TPT1: variants seen among roughly 807,000 people sequenced by gnomAD.
TPT1 encodes the protein tumor protein, translationally-controlled 1.
A neutral mutation model predicts 22.8 loss-of-function variants in TPT1; 5 were observed. The observed-to-expected ratio is 0.22, with a 90% CI of 0.11 to 0.46. The LOEUF is 0.46. TPT1 is among the 20% of genes least tolerant of loss of function. TPT1 has a pLI of 0.99. For synonymous variants in TPT1, 89 were observed against 73.6 expected, an observed-to-expected ratio of 1.21 and a Z score of -1.07; for missense variants, 130 against 218.7, an observed-to-expected ratio of 0.59 and a Z score of 2.56.
rs1168009718 is a variant in TPT1 at position 45,340,932 on chromosome 13, G to A, written c.28+110C>T. 9 of 1,534,194 alleles carry A rather than the reference G, an allele frequency of 5.9e-6. No individual in the cohort carries two copies. The Admixed American group carries it at 1.2e-4, about 20-fold the overall frequency. On this transcript the variant is annotated intron_variant, in intron 1 of 5. Coordinates refer to ENST00000530705, the MANE Select transcript of TPT1 (RefSeq NM_003295.4). Reference sequence around the variant, plus strand: ...CCCGGGCACCGACCCCTCCGCGCTCGGCTAAGACCGCCGGCGTCCCCTAGG... The same window carrying A: ...CCCGGGCACCGACCCCTCCGCGCTCAGCTAAGACCGCCGGCGTCCCCTAGG...
In TPT1 at chr13:45,337,596, A is replaced by T. The variant is rs993338951; in HGVS notation, c.517-208T>A. On this transcript the variant is annotated intron_variant, in intron 5 of 5. Coordinates refer to ENST00000530705, the MANE Select transcript of TPT1 (RefSeq NM_003295.4). ...AACAACAGTAAATTGTTCAAGGTCTATCAGTGGATGCAGAACACCCTTACC... is the reference window on the plus strand; with the variant it reads ...AACAACAGTAAATTGTTCAAGGTCTTTCAGTGGATGCAGAACACCCTTACC... 3 of 1,595,946 alleles carry T rather than the reference A, an allele frequency of 1.9e-6. No individual in the cohort carries two copies. The African/African-American group carries it at 4.0e-5, about 21-fold the overall frequency.
rs1878564427 is a variant in TPT1 at position 45,334,695 on chromosome 13, G to A, written c.*2691C>T. 1 of 152,070 alleles carries A rather than the reference G, an allele frequency of 6.6e-6. No individual in the cohort carries two copies. The highest frequency in any genetic ancestry group is 2.4e-5 in the African/African-American group (1 of 41,330). The allele number at this position is 152,070 out of a possible 1,614,324, so 9.4% of individuals were successfully genotyped here. On this transcript the variant is annotated 3_prime_UTR_variant, in exon 6 of 6. Transcript: ENST00000530705. ...AACACATTATACACAATTATTCTAT[G>A]CTTTTACCCTGCCACCTGGCAGCCA...
rs995142679 is a variant in TPT1, at chr13:45,337,065, T to G, written c.*321A>C. The G allele has an allele frequency of 5.2e-6, 2 of 383,680 alleles. No homozygotes were observed. The highest frequency in any genetic ancestry group is 9.5e-6 in the Non-Finnish European group (2 of 210,094). 23.8% of individuals were successfully genotyped at this position (383,680 alleles called of 1,614,324 possible). ...TTCCAGTCCCAGAAGTAGTCTCCAC[T>G]GTAGAAGTTAATTGATGAGTAGTAG... On this transcript the variant is annotated 3_prime_UTR_variant, in exon 6 of 6. Coordinates refer to ENST00000530705, the MANE Select transcript of TPT1 (RefSeq NM_003295.4).
chr13:45,337,822 T>C (rs1566175945), intron 5 of TPT1, among the ~76,000 whole-genome samples: 1 of 152,228 alleles, frequency 6.6e-6, no homozygotes, highest in African/African-American at 2.4e-5. Context: ...CAGAAGCCTA[T>C]GAAAACTAGG....
In TPT1 at chr13:45,340,757, C is replaced by T. The variant is rs1879057163; in HGVS notation, c.57G>A (p.Lys19=). The change falls in exon 2 of 6, where the codon AAG becomes AAA. Residue 19 remains lysine, a synonymous_variant. Coordinates refer to ENST00000530705, the MANE Select transcript of TPT1 (RefSeq NM_003295.4). Reference sequence around the variant, plus strand: ...ACAACCCGTCCGCGATCTCCCGGATCTTGTAGATGTCGGAGAACATCTCAT... The same window carrying T: ...ACAACCCGTCCGCGATCTCCCGGATTTTGTAGATGTCGGAGAACATCTCAT... ...SHDEMFSDIY[K]IREIADGLCL... The T allele has an allele frequency of 1.3e-6, 2 of 1,519,406 alleles. No individual in the cohort carries two copies. Among genetic ancestry groups the T allele is most frequent in the Non-Finnish European group, 8.8e-7 (1 of 1,134,904 alleles). 94.1% of individuals were successfully genotyped at this position (1,519,406 alleles called of 1,614,324 possible).
At chr13:45,337,481 G>A (rs1185482629) in intron 5 of TPT1, 93 bp from the exon 6 acceptor site, 2 of 1,613,512 alleles carry the variant, frequency 1.2e-6, no homozygotes, top group East Asian at 2.2e-5. Context: ...CCAGGCTAAA[G>A]ATGTATTCCC....
At chr13:45,340,469 C>A (rs1244692014) in intron 2 of TPT1, 17 of 739,348 alleles carry the variant, frequency 2.3e-5, no homozygotes, top group Non-Finnish European at 3.1e-5. Flanking sequence ...CGAAAGGACT[C>A]CAGGCTCCTA....
At position 45,339,107 on chromosome 13, in the gene TPT1, T is replaced by C. The variant is rs373536216; in HGVS notation, c.400-331A>G. The C allele has an allele frequency of 1.7e-4, 53 of 307,842 alleles. No individual in the cohort carries two copies. In the South Asian group the frequency reaches 2.5e-3, roughly 14 times the overall value. 19.1% of individuals were successfully genotyped at this position (307,842 alleles called of 1,614,324 possible). A position where few individuals can be genotyped will look rare whatever the true frequency, so the allele number is the denominator to read the frequency against. On this transcript the variant is annotated intron_variant, in intron 4 of 5. Transcript: ENST00000530705. ...ATAAGGCTGACAGTGATAGAATATA[T>C]CATACAGTCTGGAAGTATCTTATGG...
At chr13:45,339,298 T>G (rs1878921394) in intron 4 of TPT1, 199 bp downstream of exon 4, 1 of 475,458 alleles carries the variant, frequency 2.1e-6, no homozygotes, top group Non-Finnish European at 3.7e-6. Flanking sequence ...GTTAAGCAAT[T>G]CACAAAAAGA....
At chr13:45,338,629 T>C in intron 5 of TPT1, 31 bp downstream of exon 5, 1 of 1,597,604 alleles carries the variant, frequency 6.3e-7, no homozygotes, top group Non-Finnish European at 8.5e-7. Flanking sequence ...TTTTTTACAT[T>C]ATTTATTTTA....
At chr13:45,340,910 G>T in intron 1 of TPT1, 125 bp from the exon 2 acceptor site, 1 of 1,503,022 alleles carries the variant, frequency 6.7e-7, no homozygotes, top group Non-Finnish European at 8.9e-7. Flanking sequence ...CGCGAGCCCC[G>T]GGCACCGACC....
Position 45,336,631 on chromosome 13 carries a change from AAATG to A in TPT1, c.*751_*754del, listed in dbSNP as rs1878719898. 3 of 152,246 alleles carry A rather than the reference AAATG, an allele frequency of 2.0e-5. No homozygotes were observed. In the South Asian group the frequency reaches 6.2e-4, roughly 31 times the overall value. 9.4% of individuals were successfully genotyped at this position (152,246 alleles called of 1,614,324 possible). A position where few individuals can be genotyped will look rare whatever the true frequency, so the allele number is the denominator to read the frequency against. On this transcript the variant is annotated 3_prime_UTR_variant, in exon 6 of 6. Transcript: ENST00000530705. ...CTGACAACAGCCACAGTCAATCCAT[AAATG>A]AATAAGCATAGCCACGTTCCAATAA...
chr13:45,338,115 C>T (rs17066616), intron 5 of TPT1: 8,536 of 160,442 alleles, frequency 0.053, 519 homozygotes, highest in African/African-American at 0.15. Flanking sequence ...TCTCCTTCAG[C>T]ATTTAAACTC....
intron 2 of TPT1, 88 bp downstream of exon 2, chr13:45,340,624 G>A: frequency 7.0e-7 from 1 of 1,424,904 alleles, no homozygotes; most frequent in Non-Finnish European, 9.7e-7. Flanking sequence ...AGGCGGCGGG[G>A]AGGATTGCAC....
chr13:45,340,448 C>T, intron 2 of TPT1: 1 of 736,894 alleles, frequency 1.4e-6, no homozygotes, highest in South Asian at 1.5e-5. Context: ...TAAGTGGGGA[C>T]AGGACAAACA....
At chr13:45,340,422 T>G (rs575746751) in intron 2 of TPT1, 11 of 751,186 alleles carry the variant, frequency 1.5e-5, no homozygotes, top group Non-Finnish European at 2.6e-5. Context: ...TGCGGGCATG[T>G]GATGCCTCCG....
In TPT1 at chr13:45,340,654, G is replaced by A. The variant is rs564057344; in HGVS notation, c.102+58C>T. The A allele has an allele frequency of 6.5e-6, 10 of 1,534,620 alleles. No homozygotes were observed. In the Admixed American group the frequency reaches 9.9e-5, roughly 15 times the overall value. On this transcript the variant is annotated intron_variant, in intron 2 of 5. Coordinates refer to ENST00000530705, the MANE Select transcript of TPT1 (RefSeq NM_003295.4). ...TTGCACAACCTCAGGCGGGGGAGCG[G>A]AGGAAACCCGAGCCCGCTCGGCCCG...
chr13:45,339,915 GA>G lies in TPT1; in HGVS notation c.293+78del. 2.0e-6 allele frequency: 3 copies of G among 1,513,954 alleles called. No homozygotes were observed. In the South Asian group the frequency reaches 3.7e-5, roughly 19 times the overall value. The allele number at this position is 1,513,954 out of a possible 1,614,324, so 93.8% of individuals were successfully genotyped here. A position where few individuals can be genotyped will look rare whatever the true frequency, so the allele number is the denominator to read the frequency against. Reference sequence around the variant, plus strand: ...ACTTTCACAAAAGTATACCCACTGCGAAAGAACCTCAAAAGTTAGCCAATCT... The same window carrying G: ...ACTTTCACAAAAGTATACCCACTGCGAAGAACCTCAAAAGTTAGCCAATCT... On this transcript the variant is annotated intron_variant, in intron 3 of 5. Transcript: ENST00000530705.
At position 45,335,833 on chromosome 13, in the gene TPT1, G is replaced by C. The variant is rs1878638103; in HGVS notation, c.*1553C>G. On this transcript the variant is annotated 3_prime_UTR_variant, in exon 6 of 6. Coordinates refer to ENST00000530705, the MANE Select transcript of TPT1 (RefSeq NM_003295.4). ...TTGTTTCCAATCACGGGGTGCTGGG[G>C]GTTAACATTAGTATCTGCCTCAGGT... 6.6e-6 allele frequency: 1 copy of C among 152,176 alleles called. No homozygotes were observed. The highest frequency in any genetic ancestry group is 2.4e-5 in the African/African-American group (1 of 41,404). The allele number at this position is 152,176 out of a possible 1,614,324, so 9.4% of individuals were successfully genotyped here. A position where few individuals can be genotyped will look rare whatever the true frequency, so the allele number is the denominator to read the frequency against.
Sources: gnomAD v4.1 joint callset for allele counts (sites outside exome capture counted in the v4.1 genomes callset) on GRCh38, gnomAD v4.1.1 for gene constraint, MANE v1.5 for transcripts, NCBI Gene and HGNC (gene_info 2026-07-23, HGNC 2026-07-21) for gene names.